Variants in GALNT14 observed in about 807,000 individuals in gnomAD.
GALNT14 encodes UDP-GalNAc:polypeptide N-acetylgalactosaminyltransferase 14.
Under a neutral mutation model 77.5 loss-of-function variants are expected in GALNT14, and 60 were observed. The ratio of observed to expected loss-of-function variants is 0.77; its 90% CI spans 0.63 to 0.96. The LOEUF is 0.96. Ranked by LOEUF, GALNT14 falls within the 40% of genes least tolerant of loss-of-function variation. The pLI, the probability that GALNT14 is intolerant of heterozygous loss-of-function variation, is 0.00. For missense variants in GALNT14, 710 were observed against 731.0 expected (o/e 0.97, Z 0.33); for synonymous variants, 280 against 281.7 (o/e 0.99, Z 0.06).
At chr2:31,033,936 G>A (rs1672562699) in intron 1 of GALNT14, among the ~76,000 whole-genome samples, 1 of 152,186 alleles carries the variant, frequency 6.6e-6, no homozygotes, top group Admixed American at 6.5e-5. Flanking sequence ...GAGCATTTGA[G>A]AGTTCACAAC....
chr2:31,073,484 G>GA (rs1675553571), intron 1 of GALNT14, among the ~76,000 whole-genome samples: 1 of 98,634 alleles, frequency 1.0e-5, no homozygotes, highest in African/African-American at 4.3e-5. Context: ...GGGGAATAAA[G>GA]AGGGGGGGGG....
chr2:30,953,706 C>T (rs1667181743), intron 6 of GALNT14, among the ~76,000 whole-genome samples: 1 of 152,012 alleles, frequency 6.6e-6, no homozygotes, highest in African/African-American at 2.4e-5. Context: ...AGTGTGGCAC[C>T]AGTGCACAAA....
the GALNT14 span, among the ~76,000 whole-genome samples, chr2:30,889,858 A>C: frequency 6.6e-6 from 1 of 152,238 alleles, no homozygotes; most frequent in Non-Finnish European, 1.5e-5. Flanking sequence ...AATGTTAAAA[A>C]TGGCTTTCAT....
chr2:31,101,768 C>G (rs1558569925), intron 1 of GALNT14, among the ~76,000 whole-genome samples: 1 of 152,030 alleles, frequency 6.6e-6, no homozygotes, highest in Non-Finnish European at 1.5e-5. Context: ...TGTTCCCACC[C>G]AAATTTCATC....
chr2:30,970,492 C>T lies in GALNT14; in HGVS notation c.300-4190G>A, dbSNP rs192129944. Among the ~76,000 whole-genome samples the T allele has an allele frequency of 2.9e-3, 435 of 152,256 alleles. 1 individual carries two copies. Among genetic ancestry groups the T allele is most frequent in the African/African-American group, 9.7e-3 (401 of 41,552 alleles). ...ATGGAAGCTAGAATTGCTATCATCA[C>T]GCCCAGAGAGTGGGTGAGCCGGCCC... On this transcript the variant is annotated intron_variant, in intron 2 of 14. Coordinates refer to ENST00000349752, the MANE Select transcript of GALNT14 (RefSeq NM_024572.4).
chr2:31,138,406 G>T lies in GALNT14; in HGVS notation c.-320C>A. ...CGCCACCGCGGCTGCCGCCGCCGCCGCCGCCGCCTTGCCCGCTGCCGCCGA... is the reference window on the plus strand; with the variant it reads ...CGCCACCGCGGCTGCCGCCGCCGCCTCCGCCGCCTTGCCCGCTGCCGCCGA... On this transcript the variant is annotated 5_prime_UTR_variant, in exon 1 of 15. Transcript: ENST00000349752. The T allele has an allele frequency of 2.8e-6, 1 of 360,616 alleles. No individual in the cohort carries two copies. The highest frequency in any genetic ancestry group is 5.0e-6 in the Non-Finnish European group (1 of 201,296). The allele number at this position is 360,616 out of a possible 1,614,324, so 22.3% of individuals were successfully genotyped here.
At chr2:31,010,555 C>T (rs1235071994) in intron 1 of GALNT14, among the ~76,000 whole-genome samples, 1 of 152,172 alleles carries the variant, frequency 6.6e-6, no homozygotes, top group Non-Finnish European at 1.5e-5. Flanking sequence ...GTGGAGCTTG[C>T]AGTGAGCCGG....
chr2:30,941,920 T>C (rs1354043940), intron 9 of GALNT14, among the ~76,000 whole-genome samples: 1 of 152,188 alleles, frequency 6.6e-6, no homozygotes, highest in Non-Finnish European at 1.5e-5. Flanking sequence ...GCATCTCAGC[T>C]TTCCCCTAAC....
At chr2:30,996,618 G>C (rs772451894) in intron 1 of GALNT14, among the ~76,000 whole-genome samples, 2 of 152,242 alleles carry the variant, frequency 1.3e-5, no homozygotes, top group Non-Finnish European at 2.9e-5. Context: ...GAGGCTGCTG[G>C]TTTCCCTACA....
chr2:31,011,234 C>A lies in GALNT14; in HGVS notation c.130-18227G>T, dbSNP rs191389890. ...AAAACTGTGATGCCATTTTACGGAT[C>A]TAATGGACTAAAATAAGTAAAGCAC... On this transcript the variant is annotated intron_variant, in intron 1 of 14. Coordinates refer to ENST00000349752, the MANE Select transcript of GALNT14 (RefSeq NM_024572.4). Among the ~76,000 whole-genome samples the A allele has an allele frequency of 3.9e-5, 6 of 152,328 alleles. No individual in the cohort carries two copies. In the East Asian group the frequency reaches 1.2e-3, roughly 29 times the overall value.
At chr2:31,124,353 G>A (rs1184365609) in intron 1 of GALNT14, among the ~76,000 whole-genome samples, 1 of 152,212 alleles carries the variant, frequency 6.6e-6, no homozygotes, top group Non-Finnish European at 1.5e-5. Flanking sequence ...AAAGTGGAAA[G>A]TGAGGCTGAG....
In GALNT14 at chr2:30,936,439, C is replaced by T. The variant is rs76254139; in HGVS notation, c.932-4245G>A. 7.9e-5 allele frequency among the ~76,000 whole-genome samples: 12 copies of T among 152,276 alleles called. No homozygotes were observed. The East Asian group carries it at 2.3e-3, about 29-fold the overall frequency. Reference sequence around the variant, plus strand: ...AACAAAGGCAAAGAGAATTATTACACGTGGGTACTACATTTTAAATGGAGC... The same window carrying T: ...AACAAAGGCAAAGAGAATTATTACATGTGGGTACTACATTTTAAATGGAGC... On this transcript the variant is annotated intron_variant, in intron 9 of 14. Coordinates refer to ENST00000349752, the MANE Select transcript of GALNT14 (RefSeq NM_024572.4).
At chr2:31,086,752 G>GT (rs1676449922) in intron 1 of GALNT14, among the ~76,000 whole-genome samples, 1 of 152,126 alleles carries the variant, frequency 6.6e-6, no homozygotes, top group Non-Finnish European at 1.5e-5. Flanking sequence ...CTAAGGAATG[G>GT]TTGGTGCACT....
At position 31,021,101 on chromosome 2, in the gene GALNT14, A is replaced by C. The variant is rs191076953; in HGVS notation, c.130-28094T>G. 2.9e-3 allele frequency among the ~76,000 whole-genome samples: 438 copies of C among 151,962 alleles called. 10 individuals are homozygous for C. Among genetic ancestry groups the C allele is most frequent in the Non-Finnish European group, 7.5e-4 (51 of 67,980 alleles). On this transcript the variant is annotated intron_variant, in intron 1 of 14. Coordinates refer to ENST00000349752, the MANE Select transcript of GALNT14 (RefSeq NM_024572.4). ...AATGCCCATCTCGGAGCCAAGAGAGACTCAAACAAGAGCTTGAACAGCCAG... is the reference window on the plus strand; with the variant it reads ...AATGCCCATCTCGGAGCCAAGAGAGCCTCAAACAAGAGCTTGAACAGCCAG...
intron 1 of GALNT14, among the ~76,000 whole-genome samples, chr2:31,085,927 C>T (rs957085511): frequency 2.0e-5 from 3 of 152,162 alleles, no homozygotes; most frequent in South Asian, 4.1e-4. Flanking sequence ...ACTTACATGG[C>T]GACAGGCAAG....
chr2:31,118,903 T>C (rs1043161973), intron 1 of GALNT14, among the ~76,000 whole-genome samples: 1 of 152,154 alleles, frequency 6.6e-6, no homozygotes, highest in Admixed American at 6.5e-5. Context: ...AAAATGGAGT[T>C]CCCAGAACTA....
Position 31,007,059 on chromosome 2 carries a change from C to T in GALNT14, c.130-14052G>A, listed in dbSNP as rs1464994428. Among the ~76,000 whole-genome samples the T allele has an allele frequency of 2.0e-5, 3 of 152,228 alleles. No individual in the cohort carries two copies. In the East Asian group the frequency reaches 5.8e-4, roughly 29 times the overall value. On this transcript the variant is annotated intron_variant, in intron 1 of 14. Transcript: ENST00000349752. ...ATGGGAGCGAATGACTTTGAAACGA[C>T]TTTATCTCGTGGGACTCTGTGGGGG...
chr2:31,046,441 G>A (rs1209466151), intron 1 of GALNT14, among the ~76,000 whole-genome samples: 1 of 152,028 alleles, frequency 6.6e-6, no homozygotes, highest in Non-Finnish European at 1.5e-5. Context: ...TGTTAGCCAG[G>A]ATGGTCTCGA....
At chr2:31,027,142 C>T (rs1188513523) in intron 1 of GALNT14, among the ~76,000 whole-genome samples, 6 of 152,210 alleles carry the variant, frequency 3.9e-5, no homozygotes, top group Admixed American at 1.3e-4. Flanking sequence ...GTGTTAAAAA[C>T]AGGCCCTGGC....
Sources: allele counts gnomAD v4.1 joint callset (sites outside exome capture counted in the v4.1 genomes callset), GRCh38; gene constraint gnomAD v4.1.1; transcripts MANE v1.5; gene names NCBI Gene and HGNC (gene_info 2026-07-23, HGNC 2026-07-21).